The following KIF26A variants were observed in gnomAD, a reference collection of about 807,000 sequenced individuals.
The protein encoded by KIF26A is kinesin family member 26A.
KIF26A carries 74 observed loss-of-function variants against 126.0 expected under a neutral mutation model. That is an observed-to-expected ratio of 0.59 (90% CI 0.49 to 0.71). The LOEUF (loss-of-function observed/expected upper bound fraction) is 0.71. Among genes scored for constraint, KIF26A ranks in the 30% least tolerant of loss-of-function variants. KIF26A has a pLI of 0.00. For missense variants in KIF26A, 2,984 were observed against 2,763.3 expected (o/e 1.08, Z -1.79); for synonymous variants, 1,445 against 1,232.7 (o/e 1.17, Z -3.61).
In KIF26A at chr14:104,174,252, C is replaced by T; in HGVS notation, c.2135C>T (p.Thr712Ile). 9 of 1,576,012 alleles carry T rather than the reference C, an allele frequency of 5.7e-6. No individual in the cohort carries two copies. Among genetic ancestry groups the T allele is most frequent in the Non-Finnish European group, 7.7e-6 (9 of 1,162,482 alleles). ...GATGCGCCAGCCCAGCACGCAGAGA[C>T]ACTCAGCACCGTGCAGCTCGCCGCC... ...VSDAPAQHAETLSTVQLAARI... is the reference protein window; with the variant it reads ...VSDAPAQHAEILSTVQLAARI... Residue 712 changes from threonine (T) to isoleucine (I), a missense_variant, in exon 11 of 15, where the codon ACA (threonine) becomes ATA (isoleucine). Coordinates refer to ENST00000423312, the MANE Select transcript of KIF26A (RefSeq NM_015656.2).
chr14:104,172,052 G>C lies in KIF26A; in HGVS notation c.1326+117G>C, dbSNP rs1012585072. ...CAGGGCGCAGAGGAAGCGTGAGCGA[G>C]GGGCCCGCTGCCTGCGGCGCCTGCC... On this transcript the variant is annotated intron_variant, in intron 6 of 14. Transcript: ENST00000423312. 8 of 993,068 alleles carry C rather than the reference G, an allele frequency of 8.1e-6. No individual in the cohort carries two copies. In the African/African-American group the frequency reaches 1.3e-4, roughly 16 times the overall value. The allele number at this position is 993,068 out of a possible 1,614,324, so 61.5% of individuals were successfully genotyped here. A position where few individuals can be genotyped will look rare whatever the true frequency, so the allele number is the denominator to read the frequency against.
Position 104,178,475 on chromosome 14 carries a change from C to T in KIF26A, c.5111-75C>T, listed in dbSNP as rs182718993. 1,396 of 1,169,506 alleles carry T rather than the reference C, an allele frequency of 1.2e-3. 8 individuals are homozygous for T. The African/African-American group carries it at 0.013, about 11-fold the overall frequency. 72.4% of individuals were successfully genotyped at this position (1,169,506 alleles called of 1,614,324 possible). The stretch of plus-strand genomic sequence containing the variant: ...TCCCTGTCAGGACTCGGGCCGGCTC[C>T]GCAGCGTCCCCGCAGGGGCTGTGCT... On this transcript the variant is annotated intron_variant, in intron 12 of 14. Coordinates refer to ENST00000423312, the MANE Select transcript of KIF26A (RefSeq NM_015656.2).
chr14:104,174,656 T>TGG (rs2037996728), intron 11 of KIF26A, among the ~76,000 whole-genome samples: 1 of 151,894 alleles, frequency 6.6e-6, no homozygotes, highest in Non-Finnish European at 1.5e-5. Context: ...GGCTGGAGGG[T>TGG]GGAGTTTGGG....
In KIF26A at chr14:104,176,735, C is replaced by T; in HGVS notation, c.3947C>T (p.Thr1316Ile). The change falls in exon 12 of 15, where the codon ACA becomes ATA. Residue 1316 changes from threonine to isoleucine, a missense_variant. Physicochemically the swap from Thr to Ile is moderately conservative, Grantham distance 89 (BLOSUM62 -1). Coordinates refer to ENST00000423312, the MANE Select transcript of KIF26A (RefSeq NM_015656.2). ...AGGGGTGCCACCACGCTGGGTGTGACAACGCCAGCTGTGTCCTGGGGAGAT... is the reference window on the plus strand; with the variant it reads ...AGGGGTGCCACCACGCTGGGTGTGATAACGCCAGCTGTGTCCTGGGGAGAT... ...LRRGATTLGVTTPAVSWGDAP... is the reference protein window; with the variant it reads ...LRRGATTLGVITPAVSWGDAP... 1.3e-6 allele frequency: 2 copies of T among 1,587,092 alleles called. No homozygotes were observed. The highest frequency in any genetic ancestry group is 8.6e-7 in the Non-Finnish European group (1 of 1,167,998).
chr14:104,152,594 TTCCTGACAC>T lies in KIF26A; in HGVS notation c.735+140_735+148del. ...AGGGAGGGGACGGCGGGCATGGGGG[TTCCTGACAC>T]TCCTGAGGCCCCACATCAGATGCAC... On this transcript the variant is annotated intron_variant, in intron 3 of 14. Coordinates refer to ENST00000423312, the MANE Select transcript of KIF26A (RefSeq NM_015656.2). This position sits in a 1 kb window ranked among gnomAD's most constrained non-coding sequence, Gnocchi z 5.9. 3.7e-6 allele frequency: 3 copies of T among 806,218 alleles called. No individual in the cohort carries two copies. Among genetic ancestry groups the T allele is most frequent in the Non-Finnish European group, 5.7e-6 (3 of 528,960 alleles). The allele number at this position is 806,218 out of a possible 1,614,324, so 49.9% of individuals were successfully genotyped here.
rs749016938 is a variant in KIF26A, at chr14:104,177,586, G to A, written c.4798G>A (p.Glu1600Lys). 1.3e-6 allele frequency: 2 copies of A among 1,533,392 alleles called. No homozygotes were observed. The highest frequency in any genetic ancestry group is 1.4e-5 in the African/African-American group (1 of 72,584). The allele number at this position is 1,533,392 out of a possible 1,614,324, so 95.0% of individuals were successfully genotyped here. A position where few individuals can be genotyped will look rare whatever the true frequency, so the allele number is the denominator to read the frequency against. The change falls in exon 12 of 15, where the codon GAG (glutamate) becomes AAG (lysine). Residue 1600 changes from glutamate to lysine, a missense_variant. Physicochemically the swap from Glu to Lys is moderately conservative, Grantham distance 56. Transcript: ENST00000423312. ...SGHDSGVNVGEERPPTGPALP... is the reference protein window; with the variant it reads ...SGHDSGVNVGKERPPTGPALP... ...CCATGACAGCGGCGTGAACGTGGGGGAGGAGCGGCCACCCACGGGCCCGGC... is the reference window on the plus strand; with the variant it reads ...CCATGACAGCGGCGTGAACGTGGGGAAGGAGCGGCCACCCACGGGCCCGGC...
chr14:104,178,482 TC>T lies in KIF26A; in HGVS notation c.5111-64del, dbSNP rs950342125. 4 of 1,225,142 alleles carry T rather than the reference TC, an allele frequency of 3.3e-6. No individual in the cohort carries two copies. In the Admixed American group the frequency reaches 1.4e-4, roughly 41 times the overall value. 75.9% of individuals were successfully genotyped at this position (1,225,142 alleles called of 1,614,324 possible). A position where few individuals can be genotyped will look rare whatever the true frequency, so the allele number is the denominator to read the frequency against. ...CAGGACTCGGGCCGGCTCCGCAGCG[TC>T]CCCGCAGGGGCTGTGCTTGGGCTGG... On this transcript the variant is annotated intron_variant, in intron 12 of 14. Transcript: ENST00000423312.
rs755599978 is a variant in KIF26A at position 104,177,021 on chromosome 14, T to G, written c.4233T>G (p.Ser1411=). The change falls in exon 12 of 15, where the codon TCT becomes TCG. Residue 1411 remains serine, a synonymous_variant. Transcript: ENST00000423312. Reference sequence around the variant, plus strand: ...GACCCAGCAGCCGGGCTGACCACTCTGTCCCCAGGGCCACGTCCAGCCTGA... The same window carrying G: ...GACCCAGCAGCCGGGCTGACCACTCGGTCCCCAGGGCCACGTCCAGCCTGA... ...EPRPSSRADH[S]VPRATSSLKA... is the part of the protein sequence containing the mutation. The G allele has an allele frequency of 6.4e-7, 1 of 1,564,678 alleles. No individual in the cohort carries two copies. The highest frequency in any genetic ancestry group is 8.6e-7 in the Non-Finnish European group (1 of 1,163,454).
intron 2 of KIF26A, among the ~76,000 whole-genome samples, chr14:104,145,515 G>A (rs2037672864): frequency 6.6e-6 from 1 of 152,216 alleles, no homozygotes; most frequent in Non-Finnish European, 1.5e-5. Flanking sequence ...TCAGCTCAGC[G>A]CGCTGCATTG....
At position 104,152,608 on chromosome 14, in the gene KIF26A, G is replaced by A. The variant is rs1356784076; in HGVS notation, c.735+147G>A. ...GGGCATGGGGGTTCCTGACACTCCT[G>A]AGGCCCCACATCAGATGCACCCTTG... On this transcript the variant is annotated intron_variant, in intron 3 of 14. Transcript: ENST00000423312. The surrounding 1 kb of genome is among the most constrained non-coding windows in gnomAD (Gnocchi z 5.9). The A allele has an allele frequency of 1.6e-5, 12 of 732,542 alleles. No individual in the cohort carries two copies. The East Asian group carries it at 3.1e-4, about 19-fold the overall frequency. 45.4% of individuals were successfully genotyped at this position (732,542 alleles called of 1,614,324 possible).
chr14:104,167,300 G>C (rs2037916383), intron 5 of KIF26A, among the ~76,000 whole-genome samples: 2 of 152,070 alleles, frequency 1.3e-5, no homozygotes, highest in African/African-American at 4.8e-5. Flanking sequence ...ACTAGGTTCA[G>C]CGTGGGGCGG....
intron 13 of KIF26A, 55 bp from the exon 14 acceptor site, chr14:104,179,181 G>A: frequency 7.1e-7 from 1 of 1,411,382 alleles, no homozygotes; most frequent in South Asian, 1.5e-5. Context: ...GGGCTGCTTG[G>A]GGGTCTCTGG....
rs779421779 is a variant in KIF26A, at chr14:104,173,244, G to A, written c.1683+5G>A. 26 of 1,605,136 alleles carry A rather than the reference G, an allele frequency of 1.6e-5. No individual in the cohort carries two copies. The highest frequency in any genetic ancestry group is 1.0e-4 in the Admixed American group (6 of 59,748). On this transcript the variant is annotated splice_donor_5th_base_variant and intron_variant, in intron 8 of 14. Coordinates refer to ENST00000423312, the MANE Select transcript of KIF26A (RefSeq NM_015656.2). ...GACCCCGTGTGTGGGGCGCAGGTGC[G>A]CCTGCCTACTGTCCCACCTTGGGGG... is the stretch of plus-strand genomic sequence containing the variant.
At chr14:104,154,816 G>A (rs1171462852) in intron 3 of KIF26A, among the ~76,000 whole-genome samples, 1 of 152,242 alleles carries the variant, frequency 6.6e-6, no homozygotes, top group African/African-American at 2.4e-5. Flanking sequence ...CCGGTGGGCA[G>A]TGTGGGGTGC....
At chr14:104,160,370 T>TCA (rs1168927747) in intron 4 of KIF26A, among the ~76,000 whole-genome samples, 1 of 152,124 alleles carries the variant, frequency 6.6e-6, no homozygotes, top group African/African-American at 2.4e-5. Flanking sequence ...CCTGATCCTT[T>TCA]CAGTGGCCTC....
intron 4 of KIF26A, among the ~76,000 whole-genome samples, chr14:104,164,677 C>G (rs558427453): frequency 6.6e-6 from 1 of 151,822 alleles, no homozygotes; most frequent in South Asian, 2.1e-4. Context: ...TGCCTGTCTG[C>G]GTGTGTATGT....
In KIF26A at chr14:104,151,564, G is replaced by T. The variant is rs961765465; in HGVS notation, c.289-451G>T. Among the ~76,000 whole-genome samples, 1 of 152,272 alleles carries T rather than the reference G, an allele frequency of 6.6e-6. No homozygotes were observed. The highest frequency in any genetic ancestry group is 2.4e-5 in the African/African-American group (1 of 41,470). On this transcript the variant is annotated intron_variant, in intron 2 of 14. Transcript: ENST00000423312. The surrounding 1 kb of genome is among the most constrained non-coding windows in gnomAD (Gnocchi z 4.9). ...GCCCCACCGGGGCTGGAGACCTGAA[G>T]AGGAAGGGAGAGGGTCTCCTGCCCC...
At chr14:104,155,812 G>A (rs1208335254) in intron 3 of KIF26A, among the ~76,000 whole-genome samples, 2 of 152,260 alleles carry the variant, frequency 1.3e-5, no homozygotes, top group Non-Finnish European at 2.9e-5. Flanking sequence ...CCTTCTGGCC[G>A]GAGGTGGAGT....
At position 104,152,428 on chromosome 14, in the gene KIF26A, G is replaced by A. The variant is rs751563359; in HGVS notation, c.702G>A (p.Ser234=). The A allele has an allele frequency of 1.9e-6, 3 of 1,592,954 alleles. No homozygotes were observed. The highest frequency in any genetic ancestry group is 2.3e-5 in the East Asian group (1 of 43,740). The change falls in exon 3 of 15, where the codon TCG becomes TCA. Residue 234 remains serine, a synonymous_variant. Transcript: ENST00000423312. The surrounding 1 kb of genome is among the most constrained non-coding windows in gnomAD (Gnocchi z 5.9). ...GCCTGGAGGGCATGTGGAGTGTCTC[G>A]CGGGTCAACAGCTTCCTCCCGCCGG... ...QQCLEGMWSV[S]RVNSFLPPAC...
Sources: gnomAD v4.1 joint callset for allele counts (sites outside exome capture counted in the v4.1 genomes callset) on GRCh38, gnomAD v4.1.1 for gene constraint, Gnocchi (gnomAD v3.1) non-coding constraint, MANE v1.5 for transcripts, NCBI Gene and HGNC (gene_info 2026-07-23, HGNC 2026-07-21) for gene names.